ERC2: variants seen among roughly 807,000 people sequenced by gnomAD.
The protein encoded by ERC2 is ELKS/RAB6-interacting/CAST family member 2, also known as ERC protein 2.
ERC2 carries 42 observed loss-of-function variants against 114.8 expected under a neutral mutation model. The ratio of observed to expected loss-of-function variants is 0.37; its 90% CI spans 0.29 to 0.47. The LOEUF is 0.47. Ranked by LOEUF, ERC2 falls within the 20% of genes least tolerant of loss-of-function variation. ERC2 has a pLI of 0.99. For synonymous variants in ERC2, 454 were observed against 425.5 expected, an observed-to-expected ratio of 1.07 and a Z score of -0.82; for missense variants, 939 against 1,150.7, an observed-to-expected ratio of 0.82 and a Z score of 2.66.
Position 55,683,817 on chromosome 3 carries a change from T to A in ERC2, c.*16A>T. On this transcript the variant is annotated 3_prime_UTR_variant, in exon 17 of 18. Coordinates refer to ENST00000288221, the MANE Select transcript of ERC2 (RefSeq NM_015576.3). ...ACCCCTCAAAACAAAACTGGAACTT[T>A]GGTTTACAGGCCCGGCTATGCCCAT... 6.2e-7 allele frequency: 1 copy of A among 1,612,878 alleles called. No individual in the cohort carries two copies. Among genetic ancestry groups the A allele is most frequent in the Non-Finnish European group, 8.5e-7 (1 of 1,179,484 alleles).
chr3:56,380,297 A>C (rs1242988041), intron 2 of ERC2, among the ~76,000 whole-genome samples: 1 of 152,112 alleles, frequency 6.6e-6, no homozygotes, highest in Non-Finnish European at 1.5e-5. Context: ...AAAGAGCTAG[A>C]CAAATCCAAA....
intron 14 of ERC2, among the ~76,000 whole-genome samples, chr3:55,817,343 T>C (rs1484022257): frequency 6.6e-6 from 1 of 152,178 alleles, no homozygotes; most frequent in East Asian, 1.9e-4. Flanking sequence ...AGGAAACAAA[T>C]GGCTGAGCCT....
chr3:56,422,249 A>C (rs917234304), intron 2 of ERC2, among the ~76,000 whole-genome samples: 1 of 152,200 alleles, frequency 6.6e-6, no homozygotes, highest in African/African-American at 2.4e-5. Context: ...AACCCAAAGT[A>C]AAGAGCTGCC....
intron 17 of ERC2, among the ~76,000 whole-genome samples, chr3:55,642,197 T>C (rs2060212709): frequency 6.6e-6 from 1 of 152,176 alleles, no homozygotes; most frequent in Non-Finnish European, 1.5e-5. Context: ...GGAAAAGCCA[T>C]ATCCCACTGT....
intron 6 of ERC2, among the ~76,000 whole-genome samples, chr3:56,119,502 T>A (rs954299517): frequency 6.6e-6 from 1 of 152,192 alleles, no homozygotes; most frequent in Non-Finnish European, 1.5e-5. Context: ...GATCACAGAT[T>A]AAGCATCTTT....
At chr3:55,841,360 T>A (rs2061124204) in intron 14 of ERC2, among the ~76,000 whole-genome samples, 1 of 152,016 alleles carries the variant, frequency 6.6e-6, no homozygotes, top group Non-Finnish European at 1.5e-5. Context: ...AAATGGGACT[T>A]CCCCTGCACA....
chr3:56,422,282 G>A (rs1208882058), intron 2 of ERC2, among the ~76,000 whole-genome samples: 1 of 152,174 alleles, frequency 6.6e-6, no homozygotes, highest in South Asian at 2.1e-4. Context: ...CTCTGCTCTT[G>A]TAGATTCAGG....
At chr3:56,246,093 TA>T (rs34868223) in intron 3 of ERC2, among the ~76,000 whole-genome samples, 63,739 of 127,064 alleles carry the variant, frequency 0.5, 18,294 homozygotes, top group Non-Finnish European at 0.66. Flanking sequence ...TCAGATTCTT[TA>T]AAAAAAAAAA....
intron 3 of ERC2, among the ~76,000 whole-genome samples, chr3:56,229,825 T>C (rs1168551737): frequency 2.6e-5 from 4 of 150,972 alleles, no homozygotes; most frequent in African/African-American, 9.7e-5. Flanking sequence ...AAAAACTCTA[T>C]AGGTTAGATC....
chr3:55,990,200 CAA>C (rs1254208058), intron 11 of ERC2, among the ~76,000 whole-genome samples: 1 of 152,006 alleles, frequency 6.6e-6, no homozygotes, highest in East Asian at 1.9e-4. Flanking sequence ...AAAATTAAAA[CAA>C]AGCCCTTTAA....
intron 14 of ERC2, among the ~76,000 whole-genome samples, chr3:55,787,836 G>T (rs981620717): frequency 2.0e-5 from 3 of 152,250 alleles, no homozygotes; most frequent in East Asian, 3.9e-4. Flanking sequence ...CAAAGAAGTG[G>T]CATCCTCCTG....
chr3:55,825,635 T>A (rs915105211), intron 14 of ERC2, among the ~76,000 whole-genome samples: 2 of 152,234 alleles, frequency 1.3e-5, no homozygotes, highest in African/African-American at 4.8e-5. Flanking sequence ...TTTTCTAACA[T>A]TAGAACCATT....
At chr3:56,068,685 G>C (rs1292818999) in intron 7 of ERC2, among the ~76,000 whole-genome samples, 1 of 152,112 alleles carries the variant, frequency 6.6e-6, no homozygotes, top group Non-Finnish European at 1.5e-5. Context: ...GGCATTTAGT[G>C]CTATAAATTT....
intron 13 of ERC2, among the ~76,000 whole-genome samples, chr3:55,905,813 T>C (rs1268249362): frequency 1.3e-5 from 2 of 152,090 alleles, no homozygotes; most frequent in Non-Finnish European, 2.9e-5. Flanking sequence ...ACTCTTCAAA[T>C]AGCAGGCATC....
intron 14 of ERC2, among the ~76,000 whole-genome samples, chr3:55,795,896 G>A (rs1253514903): frequency 6.6e-6 from 1 of 152,172 alleles, no homozygotes; most frequent in Non-Finnish European, 1.5e-5. Flanking sequence ...TATTGGCCAG[G>A]AACTGTGCCA....
At chr3:56,314,844 G>A (rs972543466) in intron 2 of ERC2, among the ~76,000 whole-genome samples, 1 of 152,164 alleles carries the variant, frequency 6.6e-6, no homozygotes, top group Non-Finnish European at 1.5e-5. Context: ...AGCACTGCTA[G>A]TTGTGAAGTC....
At chr3:55,521,862 T>A (rs1575459910) in intron 17 of ERC2, among the ~76,000 whole-genome samples, 1 of 152,178 alleles carries the variant, frequency 6.6e-6, no homozygotes, top group Non-Finnish European at 1.5e-5. Context: ...CTGGCCTGGG[T>A]CGGTTGTGGT....
In ERC2 at chr3:55,735,060, T is replaced by C. The variant is rs191236003; in HGVS notation, c.2565-142A>G. 291 of 922,192 alleles carry C rather than the reference T, an allele frequency of 3.2e-4. No individual in the cohort carries two copies. In the African/African-American group the frequency reaches 4.5e-3, roughly 14 times the overall value. The allele number at this position is 922,192 out of a possible 1,614,324, so 57.1% of individuals were successfully genotyped here. On this transcript the variant is annotated intron_variant, in intron 14 of 17. Transcript: ENST00000288221. The stretch of plus-strand genomic sequence containing the variant: ...TACTACTTAAAACAAACTAGCTCTT[T>C]GGCTTTCAGAATGGACAAAGTAGTT...
chr3:55,719,754 C>T (rs1343619826), intron 15 of ERC2, among the ~76,000 whole-genome samples: 1 of 152,072 alleles, frequency 6.6e-6, no homozygotes, highest in Non-Finnish European at 1.5e-5. Context: ...AGGATTGCAT[C>T]AGTAGAAAGC....
Sources: allele counts gnomAD v4.1 joint callset (sites outside exome capture counted in the v4.1 genomes callset), GRCh38; gene constraint gnomAD v4.1.1; transcripts MANE v1.5; gene names NCBI Gene and HGNC (gene_info 2026-07-23, HGNC 2026-07-21).